Variants in PCSK2 observed in about 807,000 individuals in gnomAD.
PCSK2 encodes proprotein convertase subtilisin/kexin type 2.
A neutral mutation model predicts 69.7 loss-of-function variants in PCSK2; 14 were observed. The ratio of observed to expected loss-of-function variants is 0.20; its 90% CI spans 0.13 to 0.31. The LOEUF (loss-of-function observed/expected upper bound fraction) is 0.31. Among genes scored for constraint, PCSK2 ranks in the 10% least tolerant of loss-of-function variants. The pLI, the probability that PCSK2 is intolerant of heterozygous loss-of-function variation, is 1.00. For synonymous variants in PCSK2, 307 were observed against 320.7 expected (o/e 0.96, Z 0.46); for missense variants, 544 against 842.5 (o/e 0.65, Z 4.39).
intron 2 of PCSK2, among the ~76,000 whole-genome samples, chr20:17,271,167 T>C (rs1987851691): frequency 6.6e-6 from 1 of 152,084 alleles, no homozygotes; most frequent in African/African-American, 2.4e-5. Context: ...CATTTATATG[T>C]TGGTATCCTC....
intron 1 of PCSK2, among the ~76,000 whole-genome samples, chr20:17,232,765 A>T (rs1175805729): frequency 6.6e-6 from 1 of 152,218 alleles, no homozygotes; most frequent in East Asian, 1.9e-4. Context: ...AAAGTTCTTT[A>T]GATCAAAATT....
chr20:17,261,860 T>TAA (rs1217741143), intron 2 of PCSK2, among the ~76,000 whole-genome samples: 1 of 152,240 alleles, frequency 6.6e-6, no homozygotes, highest in African/African-American at 2.4e-5. Flanking sequence ...TGTATTTTCT[T>TAA]AAAAGTCCCA....
chr20:17,386,444 A>T (rs571167582), intron 5 of PCSK2, among the ~76,000 whole-genome samples: 1 of 152,284 alleles, frequency 6.6e-6, no homozygotes, highest in Admixed American at 6.5e-5. Context: ...AGGTCCTAAG[A>T]TTATTTATTC....
chr20:17,315,379 G>T (rs1989651142), intron 2 of PCSK2, among the ~76,000 whole-genome samples: 1 of 152,210 alleles, frequency 6.6e-6, no homozygotes, highest in Non-Finnish European at 1.5e-5. Flanking sequence ...ATTTATAGAG[G>T]TGACCCGTGA....
chr20:17,403,328 G>A (rs573534558), intron 5 of PCSK2, among the ~76,000 whole-genome samples: 2 of 152,262 alleles, frequency 1.3e-5, no homozygotes, highest in Non-Finnish European at 2.9e-5. Flanking sequence ...TTTAATGTTC[G>A]TTTCAGTCAA....
rs73251711 is a variant in PCSK2, at chr20:17,307,161, G to C, written c.282+46817G>C. ...TTCTTAATTTGACAAATTTTTTAGAGACCCTACTTGCCAAGCACTGAGAAT... is the reference window on the plus strand; with the variant it reads ...TTCTTAATTTGACAAATTTTTTAGACACCCTACTTGCCAAGCACTGAGAAT... On this transcript the variant is annotated intron_variant, in intron 2 of 11. Transcript: ENST00000262545. Among the ~76,000 whole-genome samples, 1,466 of 152,236 alleles carry C rather than the reference G, an allele frequency of 9.6e-3. 22 individuals carry two copies. The highest frequency in any genetic ancestry group is 0.041 in the East Asian group (210 of 5,170).
In PCSK2 at chr20:17,296,029, T is replaced by C. The variant is rs138803286; in HGVS notation, c.282+35685T>C. On this transcript the variant is annotated intron_variant, in intron 2 of 11. Transcript: ENST00000262545. ...TTCTAAGGGTACACAAAGTTATAGT[T>C]CCATAACCTCAGAGGGTGCAGGACT... 5.1e-3 allele frequency among the ~76,000 whole-genome samples: 770 copies of C among 152,218 alleles called. 6 individuals carry two copies. Among genetic ancestry groups the C allele is most frequent in the East Asian group, 0.023 (120 of 5,178 alleles).
Position 17,233,887 on chromosome 20 carries a change from A to G in PCSK2, c.177+6405A>G, listed in dbSNP as rs189286462. ...ACTTCTTCCATGCCTGATGCATAAGAATTCTCTATCGATTGTTTCTCTGTG... is the reference window on the plus strand; with the variant it reads ...ACTTCTTCCATGCCTGATGCATAAGGATTCTCTATCGATTGTTTCTCTGTG... On this transcript the variant is annotated intron_variant, in intron 1 of 11. Transcript: ENST00000262545. Among the ~76,000 whole-genome samples, 6 of 152,246 alleles carry G rather than the reference A, an allele frequency of 3.9e-5. No individual in the cohort carries two copies. The East Asian group carries it at 9.7e-4, about 25-fold the overall frequency.
rs1038021309 is a variant in PCSK2 at position 17,453,447 on chromosome 20, T to A, written c.886-295T>A. ...GTGAGCATGTACCACCTTTCTAGCT[T>A]TTTTAAAAAGCAGTTTATTTGTAAA... On this transcript the variant is annotated intron_variant, in intron 8 of 11. Coordinates refer to ENST00000262545, the MANE Select transcript of PCSK2 (RefSeq NM_002594.5). The surrounding 1 kb of genome is among the most constrained non-coding windows in gnomAD (Gnocchi z 4.0). Among the ~76,000 whole-genome samples the A allele has an allele frequency of 3.3e-5, 5 of 152,232 alleles. No individual in the cohort carries two copies. The highest frequency in any genetic ancestry group is 1.2e-4 in the African/African-American group (5 of 41,460).
intron 2 of PCSK2, among the ~76,000 whole-genome samples, chr20:17,283,974 A>G (rs578207751): frequency 5.3e-5 from 8 of 152,186 alleles, no homozygotes; most frequent in African/African-American, 1.9e-4. Flanking sequence ...CACATTTCCC[A>G]TATCTAATGA....
intron 2 of PCSK2, among the ~76,000 whole-genome samples, chr20:17,271,435 G>T (rs1488848162): frequency 6.6e-5 from 10 of 152,026 alleles, no homozygotes; most frequent in Non-Finnish European, 1.5e-4. Flanking sequence ...AAACAAGTTC[G>T]ATTCTTTAGC....
chr20:17,365,084 TA>T (rs1281052521), intron 4 of PCSK2, among the ~76,000 whole-genome samples: 1 of 152,174 alleles, frequency 6.6e-6, no homozygotes, highest in Non-Finnish European at 1.5e-5. Context: ...CAAAATACCT[TA>T]GACTAGGTCA....
chr20:17,482,454 C>T lies in PCSK2; in HGVS notation c.*384C>T, dbSNP rs1452020480. On this transcript the variant is annotated 3_prime_UTR_variant, in exon 12 of 12. Transcript: ENST00000262545. ...TAGAGTGACTCCAAGAACAATTGTC[C>T]ATGGTCTCAAACAAGGGGCTGTTAC... 1 of 154,630 alleles carries T rather than the reference C, an allele frequency of 6.5e-6. No homozygotes were observed. 9.6% of individuals were successfully genotyped at this position (154,630 alleles called of 1,614,324 possible).
intron 2 of PCSK2, among the ~76,000 whole-genome samples, chr20:17,272,559 T>G (rs755332034): frequency 6.6e-6 from 1 of 152,124 alleles, no homozygotes; most frequent in Admixed American, 6.6e-5. Flanking sequence ...GGATTCAGTC[T>G]CCTTTCCACT....
At chr20:17,289,804 G>T (rs562356497) in intron 2 of PCSK2, among the ~76,000 whole-genome samples, 4 of 152,056 alleles carry the variant, frequency 2.6e-5, no homozygotes, top group Admixed American at 1.3e-4. Context: ...GTTTTTCATT[G>T]TATGGTTATA....
At chr20:17,274,299 T>C (rs1345661276) in intron 2 of PCSK2, among the ~76,000 whole-genome samples, 1 of 152,142 alleles carries the variant, frequency 6.6e-6, no homozygotes, top group Non-Finnish European at 1.5e-5. Flanking sequence ...ATGCTTCTGT[T>C]GTCCTAAAAT....
At chr20:17,435,505 G>C (rs1303309122) in intron 7 of PCSK2, among the ~76,000 whole-genome samples, 1 of 152,180 alleles carries the variant, frequency 6.6e-6, no homozygotes, top group Non-Finnish European at 1.5e-5. Context: ...GTCCATTTCA[G>C]CTGCCTGGCA....
At chr20:17,276,215 T>A (rs1988069406) in intron 2 of PCSK2, among the ~76,000 whole-genome samples, 1 of 152,202 alleles carries the variant, frequency 6.6e-6, no homozygotes, top group South Asian at 2.1e-4. Context: ...AATGATAGTT[T>A]ACAGTTTTAA....
At chr20:17,237,845 G>A (rs1361151810) in intron 1 of PCSK2, among the ~76,000 whole-genome samples, 2 of 152,126 alleles carry the variant, frequency 1.3e-5, no homozygotes, top group African/African-American at 4.8e-5. Flanking sequence ...TGGAAAACTG[G>A]GAGCTGGTGT....
Sources: gnomAD v4.1 joint callset for allele counts (sites outside exome capture counted in the v4.1 genomes callset) on GRCh38, gnomAD v4.1.1 for gene constraint, Gnocchi (gnomAD v3.1) non-coding constraint, MANE v1.5 for transcripts, NCBI Gene and HGNC (gene_info 2026-07-23, HGNC 2026-07-21) for gene names.